The following MYL4 variants were observed in gnomAD, a reference collection of about 807,000 sequenced individuals.
MYL4 encodes myosin light chain 4.
MYL4 carries 16 observed loss-of-function variants against 21.6 expected under a neutral mutation model. The observed-to-expected ratio is 0.74, with a 90% CI of 0.50 to 1.12. The LOEUF is 1.12. Among genes scored for constraint, MYL4 ranks in the 50% most tolerant of loss-of-function variants. MYL4 has a pLI of 0.00. For missense variants in MYL4, 249 were observed against 252.9 expected (o/e 0.98, Z 0.11); for synonymous variants, 82 against 95.7 (o/e 0.86, Z 0.83).
intron 1 of MYL4, among the ~76,000 whole-genome samples, chr17:47,209,917 A>T (rs1246687433): frequency 6.6e-6 from 1 of 152,114 alleles, no homozygotes; most frequent in African/African-American, 2.4e-5. Context: ...TTTTCCTAGG[A>T]GGTAGTGGGA....
At chr17:47,223,946 C>T (rs1443307105), downstream of MYL4, among the ~76,000 whole-genome samples, 2 of 152,012 alleles carry the variant, frequency 1.3e-5, no homozygotes, top group Non-Finnish European at 2.9e-5. Context: ...TTGGGCTCAC[C>T]CTCTACCTAA....
chr17:47,207,642 C>T (rs1359340788), upstream of MYL4, among the ~76,000 whole-genome samples: 1 of 152,166 alleles, frequency 6.6e-6, no homozygotes, highest in Non-Finnish European at 1.5e-5. Context: ...TTTTGCCTCT[C>T]TCAGCTTTAT....
chr17:47,222,715 C>T (rs926887908), intron 5 of MYL4, among the ~76,000 whole-genome samples: 3 of 152,140 alleles, frequency 2.0e-5, no homozygotes, highest in Non-Finnish European at 2.9e-5. Flanking sequence ...TCAGTTTTCT[C>T]ATCTGAGGGA....
At chr17:47,205,139 T>A (rs1256228483), upstream of MYL4, among the ~76,000 whole-genome samples, 3 of 152,228 alleles carry the variant, frequency 2.0e-5, no homozygotes, top group African/African-American at 7.2e-5. Context: ...GTGTCCGAAT[T>A]TGACATCTGA....
At chr17:47,205,366 T>C (rs528857301), upstream of MYL4, among the ~76,000 whole-genome samples, 1 of 149,946 alleles carries the variant, frequency 6.7e-6, no homozygotes, top group East Asian at 1.9e-4. Context: ...CCAACACATA[T>C]TGTAGGGCAA....
intron 5 of MYL4, 36 bp from the exon 6 acceptor site, chr17:47,222,978 G>C (rs2064867841): frequency 6.2e-7 from 1 of 1,613,726 alleles, no homozygotes; most frequent in Non-Finnish European, 8.5e-7. Flanking sequence ...TAGAGGCGCT[G>C]AGCCACATGG....
chr17:47,209,565 A>T lies in MYL4; in HGVS notation c.135+8A>T. The T allele has an allele frequency of 6.2e-7, 1 of 1,614,170 alleles. No individual in the cohort carries two copies. Among genetic ancestry groups the T allele is most frequent in the Non-Finnish European group, 8.5e-7 (1 of 1,180,036 alleles). ...GACCCCAAGAGTGTAAAGGTAAGTG[A>T]GGCTCAGCCATTGGGATAGAGGTGG... On this transcript the variant is annotated splice_region_variant and intron_variant, in intron 1 of 6. Coordinates refer to ENST00000393450, the MANE Select transcript of MYL4 (RefSeq NM_002476.2).
chr17:47,206,311 T>C (rs918260705), upstream of MYL4, among the ~76,000 whole-genome samples: 3 of 151,890 alleles, frequency 2.0e-5, no homozygotes, highest in Non-Finnish European at 4.4e-5. Flanking sequence ...TCTTAGAATT[T>C]AGAAAAGAAA....
chr17:47,217,744 C>T (rs1053053960), intron 2 of MYL4, among the ~76,000 whole-genome samples: 1 of 151,830 alleles, frequency 6.6e-6, no homozygotes, highest in African/African-American at 2.4e-5. Context: ...ATTTAAGAAA[C>T]CTATGATAGC....
chr17:47,220,984 G>T (rs1286941910), intron 3 of MYL4, among the ~76,000 whole-genome samples: 2 of 152,102 alleles, frequency 1.3e-5, no homozygotes, highest in Non-Finnish European at 2.9e-5. Context: ...TGAAGGATGT[G>T]GGCAGGAAAG....
intron 2 of MYL4, among the ~76,000 whole-genome samples, chr17:47,214,410 C>T (rs2064799194): frequency 6.6e-6 from 1 of 152,174 alleles, no homozygotes; most frequent in Admixed American, 6.5e-5. Context: ...ATGTGATGCT[C>T]TGTGTCCCCA....
rs2064868519 is a variant in MYL4 at position 47,223,048 on chromosome 17, A to G, written c.*6A>G. 6.2e-7 allele frequency: 1 copy of G among 1,614,030 alleles called. No individual in the cohort carries two copies. The highest frequency in any genetic ancestry group is 8.5e-7 in the Non-Finnish European group (1 of 1,180,014). On this transcript the variant is annotated 3_prime_UTR_variant, in exon 6 of 7. Coordinates refer to ENST00000393450, the MANE Select transcript of MYL4 (RefSeq NM_002476.2). ...AGCACATCATGTCAGGGTGAAGCAG[A>G]GTCTTCCAGGTGAGTGCAGCCTCTC... is the stretch of plus-strand genomic sequence containing the variant.
At position 47,220,175 on chromosome 17, in the gene MYL4, C is replaced by A. The variant is rs1376235065; in HGVS notation, c.313+122C>A. 7 of 1,221,672 alleles carry A rather than the reference C, an allele frequency of 5.7e-6. No homozygotes were observed. In the Admixed American group the frequency reaches 1.1e-4, roughly 20 times the overall value. The allele number at this position is 1,221,672 out of a possible 1,614,324, so 75.7% of individuals were successfully genotyped here. On this transcript the variant is annotated intron_variant, in intron 3 of 6. Transcript: ENST00000393450. The stretch of plus-strand genomic sequence containing the variant: ...TTCTCCTGCTTTAGCCCCTCAGGAC[C>A]AGCCTCACCTACCCAGCTTACCCTA...
intron 1 of MYL4, among the ~76,000 whole-genome samples, chr17:47,213,247 C>T (rs1045416001): frequency 6.6e-6 from 1 of 152,156 alleles, no homozygotes; most frequent in African/African-American, 2.4e-5. Context: ...CCCTTTCGCT[C>T]TTACCTGGAG....
chr17:47,225,207 T>C (rs2064880710), downstream of MYL4, among the ~76,000 whole-genome samples: 2 of 152,184 alleles, frequency 1.3e-5, no homozygotes, highest in South Asian at 4.1e-4. Flanking sequence ...AAGTTTGCTT[T>C]TCTTAGAATT....
At chr17:47,215,736 C>G (rs969922372) in intron 2 of MYL4, among the ~76,000 whole-genome samples, 6 of 152,180 alleles carry the variant, frequency 3.9e-5, no homozygotes, top group African/African-American at 1.4e-4. Context: ...TTTCAAATCC[C>G]TCCTAAGATT....
chr17:47,198,320 A>T (rs886162814), upstream of MYL4, among the ~76,000 whole-genome samples: 4 of 152,208 alleles, frequency 2.6e-5, no homozygotes, highest in Non-Finnish European at 4.4e-5. Flanking sequence ...GTACAGACTT[A>T]GAACAAAAAG....
At chr17:47,219,772 T>C in intron 2 of MYL4, 132 bp from the exon 3 acceptor site, 1 of 1,165,962 alleles carries the variant, frequency 8.6e-7, no homozygotes, top group Non-Finnish European at 1.2e-6. Context: ...CCTGGGATAA[T>C]GGACAAAGCG....
At chr17:47,209,684 C>A (rs546792651) in intron 1 of MYL4, 127 bp downstream of exon 1, 3 of 1,426,466 alleles carry the variant, frequency 2.1e-6, no homozygotes, top group Non-Finnish European at 2.0e-6. Context: ...TGCCCCAGAT[C>A]GCAGTCCCAT....
Sources: gnomAD v4.1 joint callset for allele counts (sites outside exome capture counted in the v4.1 genomes callset) on GRCh38, gnomAD v4.1.1 for gene constraint, MANE v1.5 for transcripts, NCBI Gene and HGNC (gene_info 2026-07-23, HGNC 2026-07-21) for gene names.